The following DOP1B variants were observed in gnomAD, a reference collection of about 807,000 sequenced individuals.
DOP1B encodes protein DOP1B.
A neutral mutation model predicts 233.5 loss-of-function variants in DOP1B; 174 were observed. That is an observed-to-expected ratio of 0.75 (90% CI 0.66 to 0.85). The LOEUF is 0.85. Among genes scored for constraint, DOP1B ranks in the 40% least tolerant of loss-of-function variants. The pLI is 0.00. For synonymous variants in DOP1B, 1,190 were observed against 1,185.6 expected (o/e 1.00, Z -0.08); for missense variants, 2,652 against 2,846.6 (o/e 0.93, Z 1.56).
rs762451256 is a variant in DOP1B, at chr21:36,200,397, C to T, written c.387C>T (p.Tyr129=). The change falls in exon 4 of 37, where the codon TAC becomes TAT. Residue 129 remains tyrosine, a synonymous_variant. Coordinates refer to ENST00000691173, the MANE Select transcript of DOP1B (RefSeq NM_001320714.2). ...VSVRPVLLTL[Y]EKYFLPLQKL... ...TGAGGCCGGTGCTGCTCACCCTGTA[C>T]GAGAAGTACTTCCTCCCACTGCAGA... The T allele has an allele frequency of 5.6e-6, 9 of 1,613,670 alleles. No homozygotes were observed. Among genetic ancestry groups the T allele is most frequent in the Admixed American group, 3.3e-5 (2 of 60,012 alleles).
intron 27 of DOP1B, among the ~76,000 whole-genome samples, chr21:36,272,438 T>A (rs1187311963): frequency 6.6e-6 from 1 of 151,346 alleles, no homozygotes; most frequent in African/African-American, 2.4e-5. Flanking sequence ...TCACCCGAGG[T>A]CAGGAGTTCG....
Position 36,214,493 on chromosome 21 carries a change from C to G in DOP1B, c.1066C>G (p.Arg356Gly). The G allele has an allele frequency of 6.2e-7, 1 of 1,613,778 alleles. No individual in the cohort carries two copies. Among genetic ancestry groups the G allele is most frequent in the Non-Finnish European group, 8.5e-7 (1 of 1,179,954 alleles). ...GTTCATAGATGCTGACGTGGAGGAACGCCATCATGCATACCTGAAGCCTTT... is the reference window on the plus strand; with the variant it reads ...GTTCATAGATGCTGACGTGGAGGAAGGCCATCATGCATACCTGAAGCCTTT... ...QKFIDADVEERHHAYLKPFRV... is the reference protein window; with the variant it reads ...QKFIDADVEEGHHAYLKPFRV... Residue 356 changes from arginine (R) to glycine (G), a missense_variant, in exon 9 of 37, where the codon CGC (arginine) becomes GGC (glycine). Physicochemically the swap from Arg to Gly is moderately radical, Grantham distance 125. Around this residue, in one of 3 missense-constraint regions of DOP1B, gnomAD observed 2,617 missense variants for 2,794.3 expected, o/e 0.94. Transcript: ENST00000691173.
At chr21:36,203,360 T>C (rs1246783551) in intron 4 of DOP1B, among the ~76,000 whole-genome samples, 1 of 152,206 alleles carries the variant, frequency 6.6e-6, no homozygotes, top group African/African-American at 2.4e-5. Context: ...CAAGATTTTT[T>C]GGTTGCTATA....
At chr21:36,180,328 G>A (rs1017277706) in intron 2 of DOP1B, among the ~76,000 whole-genome samples, 7 of 152,156 alleles carry the variant, frequency 4.6e-5, no homozygotes, top group Non-Finnish European at 1.0e-4. Flanking sequence ...CAGGGCTTTG[G>A]GAGGCTGAGG....
Position 36,251,617 on chromosome 21 carries a change from C to T in DOP1B, c.5121+333C>T, listed in dbSNP as rs184846419. On this transcript the variant is annotated intron_variant, in intron 22 of 36. Coordinates refer to ENST00000691173, the MANE Select transcript of DOP1B (RefSeq NM_001320714.2). ...GTATTTTTTAGTAGAGACAGGGTTT[C>T]GCCATGTTGGCCAGGCTGGTCTTGA... is the stretch of plus-strand genomic sequence containing the variant. 5.3e-3 allele frequency among the ~76,000 whole-genome samples: 812 copies of T among 152,202 alleles called. 15 individuals are homozygous for T. The highest frequency in any genetic ancestry group is 0.018 in the African/African-American group (765 of 41,544).
At position 36,240,877 on chromosome 21, in the gene DOP1B, A is replaced by G. The variant is rs186060706; in HGVS notation, c.3067+922A>G. ...AGCTTGAGGCAGAAATTTAAAAATA[A>G]TAATAAGAAGAAGTACTGCATTCAT... On this transcript the variant is annotated intron_variant, in intron 18 of 36. Coordinates refer to ENST00000691173, the MANE Select transcript of DOP1B (RefSeq NM_001320714.2). Among the ~76,000 whole-genome samples the G allele has an allele frequency of 2.8e-3, 428 of 152,362 alleles. 2 individuals are homozygous for G. The highest frequency in any genetic ancestry group is 9.9e-3 in the African/African-American group (413 of 41,586).
chr21:36,212,218 C>A, intron 7 of DOP1B, 121 bp downstream of exon 7: 1 of 1,185,844 alleles, frequency 8.4e-7, no homozygotes, highest in Non-Finnish European at 1.1e-6. Flanking sequence ...GGAAAGATAC[C>A]ACAATGACTA....
chr21:36,257,564 C>T (rs548237936), intron 23 of DOP1B, among the ~76,000 whole-genome samples: 12 of 152,034 alleles, frequency 7.9e-5, no homozygotes, highest in African/African-American at 2.4e-4. Context: ...TGCAGACAAA[C>T]ACGTAAAAAC....
chr21:36,176,087 G>GGTGTGTGTGCGTGTGTGT (rs1555886129), intron 2 of DOP1B, among the ~76,000 whole-genome samples: 2 of 96,534 alleles, frequency 2.1e-5, no homozygotes, highest in African/African-American at 7.0e-5. Context: ...TCGACTTTGG[G>GGTGTGTGTGCGTGTGTGT]GTGTGTGTGC....
intron 2 of DOP1B, among the ~76,000 whole-genome samples, chr21:36,176,097 C>CGCGTGTGTGTGTGTGTGTGTGT (rs1555886145): frequency 7.1e-6 from 1 of 141,744 alleles, no homozygotes; most frequent in Non-Finnish European, 1.6e-5. Flanking sequence ...GGTGTGTGTG[C>CGCGTGTGTGTGTGTGTGTGTGT]GTGTGTGTGT....
chr21:36,158,689 GC>G (rs1254410658), intron 1 of DOP1B, among the ~76,000 whole-genome samples: 4 of 151,770 alleles, frequency 2.6e-5, no homozygotes, highest in African/African-American at 9.7e-5. Context: ...TGTAGTCCCA[GC>G]TACTCGGGAG....
intron 21 of DOP1B, among the ~76,000 whole-genome samples, chr21:36,249,688 G>A (rs2067011198): frequency 2.0e-5 from 3 of 152,214 alleles, no homozygotes; most frequent in Non-Finnish European, 2.9e-5. Context: ...TCAGAAGGCT[G>A]TAGGCGCAGG....
chr21:36,197,775 C>T (rs7280107), intron 2 of DOP1B, among the ~76,000 whole-genome samples: 3 of 152,098 alleles, frequency 2.0e-5, no homozygotes, highest in South Asian at 2.1e-4. Context: ...TTTGGGAGGC[C>T]GAGGCGGGTG....
At chr21:36,183,566 G>A (rs774366547) in intron 2 of DOP1B, among the ~76,000 whole-genome samples, 1 of 152,240 alleles carries the variant, frequency 6.6e-6, no homozygotes, top group Non-Finnish European at 1.5e-5. Flanking sequence ...TCTTGCAGCT[G>A]TTGGAGTGGT....
At chr21:36,217,165 A>G (rs2066569564) in intron 9 of DOP1B, among the ~76,000 whole-genome samples, 1 of 152,108 alleles carries the variant, frequency 6.6e-6, no homozygotes, top group Non-Finnish European at 1.5e-5. Flanking sequence ...TATCCATTCA[A>G]AAGCACAGAG....
At chr21:36,241,994 C>G (rs1479336982) in intron 18 of DOP1B, among the ~76,000 whole-genome samples, 1 of 151,852 alleles carries the variant, frequency 6.6e-6, no homozygotes, top group Admixed American at 6.6e-5. Context: ...AAATAGGAAA[C>G]ATTTTATTGT....
rs1569024326 is a variant in DOP1B at position 36,212,088 on chromosome 21, TG to T, written c.897del (p.Trp299CysfsTer3). On this transcript the variant is annotated frameshift_variant, in exon 7 of 37. Transcript: ENST00000691173. LOFTEE classifies it high-confidence loss of function. Reference sequence around the variant, plus strand: ...GTCCCTGAACAGAAGACTGTATGCATGGTTACTAGGTACTGAGCAGTATACA... The same window carrying T: ...GTCCCTGAACAGAAGACTGTATGCATGTTACTAGGTACTGAGCAGTATACA... ...DMSLNRRLYA[W>X]LLGSDIKGNT... 1.2e-6 allele frequency: 2 copies of T among 1,610,174 alleles called. No individual in the cohort carries two copies. The highest frequency in any genetic ancestry group is 1.7e-6 in the Non-Finnish European group (2 of 1,178,624).
Position 36,246,019 on chromosome 21 carries a change from A to G in DOP1B, c.4039A>G (p.Lys1347Glu), listed in dbSNP as rs748744185. 2 of 1,613,794 alleles carry G rather than the reference A, an allele frequency of 1.2e-6. No homozygotes were observed. Among genetic ancestry groups the G allele is most frequent in the Non-Finnish European group, 1.7e-6 (2 of 1,179,956 alleles). ...DILGNRDVQV[K>E]SVEVLIRIMM... ...TCTCGGCAACCGGGACGTGCAGGTCAAAAGTGTCGAGGTTTTGATCAGGAT... is the reference window on the plus strand; with the variant it reads ...TCTCGGCAACCGGGACGTGCAGGTCGAAAGTGTCGAGGTTTTGATCAGGAT... Residue 1347 changes from lysine to glutamate, a missense_variant, in exon 19 of 37, where the codon AAA (lysine) becomes GAA (glutamate). By Grantham distance (56) the Lys-to-Glu change is moderately conservative. Coordinates refer to ENST00000691173, the MANE Select transcript of DOP1B (RefSeq NM_001320714.2). The surrounding 1 kb of genome is among the most constrained non-coding windows in gnomAD (Gnocchi z 5.1).
intron 2 of DOP1B, among the ~76,000 whole-genome samples, chr21:36,198,462 A>G (rs1291784671): frequency 2.6e-5 from 4 of 151,800 alleles, no homozygotes; most frequent in Non-Finnish European, 5.9e-5. Context: ...AGATTAAGCC[A>G]TGAGGGGCCT....
Sources: gnomAD v4.1 joint callset for allele counts (sites outside exome capture counted in the v4.1 genomes callset) on GRCh38, gnomAD v4.1.1 for gene constraint, gnomAD v4.1.1 regional missense constraint, Gnocchi (gnomAD v3.1) non-coding constraint, MANE v1.5 for transcripts, NCBI Gene and HGNC (gene_info 2026-07-23, HGNC 2026-07-21) for gene names.